SNTG1: variants seen among roughly 807,000 people sequenced by gnomAD.
SNTG1 encodes syntrophin gamma 1.
Under a neutral mutation model 74.7 loss-of-function variants are expected in SNTG1, and 39 were observed. That is an observed-to-expected ratio of 0.52 (90% CI 0.40 to 0.68). The LOEUF is 0.68. Ranked by LOEUF, SNTG1 falls within the 30% of genes least tolerant of loss-of-function variation. The pLI, the probability that SNTG1 is intolerant of heterozygous loss-of-function variation, is 0.00. For synonymous variants in SNTG1, 254 were observed against 217.1 expected (o/e 1.17, Z -1.49); for missense variants, 685 against 609.5 (o/e 1.12, Z -1.30).
At chr8:50,013,100 C>T (rs923058) in intron 1 of SNTG1, among the ~76,000 whole-genome samples, 106,930 of 152,002 alleles carry the variant, frequency 0.7, 39,163 homozygotes, top group East Asian at 0.84. Flanking sequence ...ACACATTTAA[C>T]ACAGGCCCAG....
intron 15 of SNTG1, among the ~76,000 whole-genome samples, chr8:50,685,627 A>G (rs73569472): frequency 0.032 from 4,890 of 152,316 alleles, 257 homozygotes; most frequent in African/African-American, 0.11. Flanking sequence ...CATAATATAA[A>G]TCATATTCTT....
intron 4 of SNTG1, among the ~76,000 whole-genome samples, chr8:50,413,526 G>A (rs114442974): frequency 6.6e-6 from 1 of 152,076 alleles, no homozygotes; most frequent in African/African-American, 2.4e-5. Flanking sequence ...ACGCCCCATG[G>A]TAATCTGCTG....
intron 1 of SNTG1, among the ~76,000 whole-genome samples, chr8:49,981,170 G>C (rs537762157): frequency 6.6e-6 from 1 of 152,278 alleles, no homozygotes; most frequent in South Asian, 2.1e-4. Context: ...AGTTAAAAGG[G>C]GAAGTATCAC....
chr8:50,019,876 A>G (rs1293757122), intron 1 of SNTG1, among the ~76,000 whole-genome samples: 3 of 152,090 alleles, frequency 2.0e-5, no homozygotes, highest in Admixed American at 6.6e-5. Flanking sequence ...ATGTCAAGAG[A>G]CATAAGAGTG....
intron 2 of SNTG1, among the ~76,000 whole-genome samples, chr8:50,275,719 C>T (rs1326684917): frequency 6.6e-6 from 1 of 152,170 alleles, no homozygotes; most frequent in African/African-American, 2.4e-5. Flanking sequence ...ATTCAGCCCC[C>T]AGCAATTCAT....
intron 10 of SNTG1, among the ~76,000 whole-genome samples, chr8:50,532,562 G>T (rs2094277517): frequency 6.6e-6 from 1 of 152,218 alleles, no homozygotes; most frequent in Non-Finnish European, 1.5e-5. Flanking sequence ...GTGCTTTGTT[G>T]CTCGCACGGG....
intron 4 of SNTG1, among the ~76,000 whole-genome samples, chr8:50,435,063 A>G (rs189770128): frequency 6.6e-6 from 1 of 152,240 alleles, no homozygotes; most frequent in Admixed American, 6.5e-5. Flanking sequence ...AACTTATAAT[A>G]TAATATTCCA....
intron 1 of SNTG1, among the ~76,000 whole-genome samples, chr8:50,115,252 T>C (rs1423231618): frequency 6.6e-6 from 1 of 151,768 alleles, no homozygotes; most frequent in Non-Finnish European, 1.5e-5. Flanking sequence ...AAGGATGTGG[T>C]TTTACAGTGT....
At chr8:50,552,390 T>G (rs2094432424) in intron 11 of SNTG1, among the ~76,000 whole-genome samples, 1 of 152,224 alleles carries the variant, frequency 6.6e-6, no homozygotes, top group Admixed American at 6.5e-5. Flanking sequence ...AATAAAATAC[T>G]GTCAGAATGC....
chr8:50,033,525 A>G (rs1364787821), intron 1 of SNTG1, among the ~76,000 whole-genome samples: 3 of 152,200 alleles, frequency 2.0e-5, no homozygotes, highest in Non-Finnish European at 2.9e-5. Context: ...CAGATTAAAC[A>G]ATGGAAATTT....
At chr8:50,218,129 C>A (rs1447119067) in intron 2 of SNTG1, among the ~76,000 whole-genome samples, 1 of 152,146 alleles carries the variant, frequency 6.6e-6, no homozygotes, top group East Asian at 1.9e-4. Context: ...TTAAAATTTT[C>A]ACTCTCAATG....
chr8:50,402,109 T>TA, intron 3 of SNTG1, 101 bp from the exon 4 acceptor site: 1 of 1,230,466 alleles, frequency 8.1e-7, no homozygotes, highest in Non-Finnish European at 1.1e-6. Context: ...CACCACCTCT[T>TA]AAATGTTATT....
chr8:50,201,555 T>C (rs1234042405), intron 2 of SNTG1, among the ~76,000 whole-genome samples: 1 of 152,132 alleles, frequency 6.6e-6, no homozygotes, highest in Non-Finnish European at 1.5e-5. Context: ...TAGCGCTGCG[T>C]GACACTCCAT....
chr8:50,796,328 T>A lies in SNTG1; in HGVS notation c.*3499T>A, dbSNP rs1267487379. The A allele has an allele frequency of 6.6e-6, 1 of 152,004 alleles. No homozygotes were observed. The highest frequency in any genetic ancestry group is 2.4e-5 in the African/African-American group (1 of 41,424). The allele number at this position is 152,004 out of a possible 1,614,324, so 9.4% of individuals were successfully genotyped here. A position where few individuals can be genotyped will look rare whatever the true frequency, so the allele number is the denominator to read the frequency against. On this transcript the variant is annotated 3_prime_UTR_variant, in exon 19 of 19. Coordinates refer to ENST00000642720, the MANE Select transcript of SNTG1 (RefSeq NM_018967.5). ...ACTATTAATATTGCTGTGCTCATAATTTCTCCTTATGAAATTGCTTTATTC... is the reference window on the plus strand; with the variant it reads ...ACTATTAATATTGCTGTGCTCATAAATTCTCCTTATGAAATTGCTTTATTC...
At chr8:50,561,145 T>G (rs1181695201) in intron 12 of SNTG1, among the ~76,000 whole-genome samples, 1 of 152,100 alleles carries the variant, frequency 6.6e-6, no homozygotes, top group East Asian at 1.9e-4. Flanking sequence ...GTTCTCATGA[T>G]AGTGAGTGAG....
intron 2 of SNTG1, among the ~76,000 whole-genome samples, chr8:50,360,454 TGG>T (rs2091926878): frequency 2.6e-5 from 4 of 152,142 alleles, no homozygotes; most frequent in Non-Finnish European, 5.9e-5. Context: ...AAAGTGTGGG[TGG>T]GTTATCACTA....
intron 17 of SNTG1, among the ~76,000 whole-genome samples, chr8:50,721,046 G>T (rs753027434): frequency 1.1e-4 from 16 of 152,308 alleles, no homozygotes; most frequent in Non-Finnish European, 2.2e-4. Context: ...TAAAGAATGT[G>T]CTGGGGGATT....
chr8:50,149,825 G>A lies in SNTG1; in HGVS notation c.-102-22736G>A, dbSNP rs533936825. On this transcript the variant is annotated intron_variant, in intron 1 of 18. Transcript: ENST00000642720. ...GCAGTATAGTTTGAAGTCAGGTATC[G>A]TGATGCTTCCAGCTTTGTTCTTTTG... 5.3e-5 allele frequency among the ~76,000 whole-genome samples: 8 copies of A among 152,268 alleles called. No individual in the cohort carries two copies. In the East Asian group the frequency reaches 1.2e-3, roughly 22 times the overall value.
chr8:50,508,132 C>T (rs1341921570), intron 9 of SNTG1, among the ~76,000 whole-genome samples: 1 of 152,034 alleles, frequency 6.6e-6, no homozygotes, highest in Non-Finnish European at 1.5e-5. Context: ...TGTGTTCTCA[C>T]TGTTCAGTTC....
Sources: gnomAD v4.1 joint callset for allele counts (sites outside exome capture counted in the v4.1 genomes callset) on GRCh38, gnomAD v4.1.1 for gene constraint, MANE v1.5 for transcripts, NCBI Gene and HGNC (gene_info 2026-07-23, HGNC 2026-07-21) for gene names.